KLHDC4: variants seen among roughly 807,000 people sequenced by gnomAD.
KLHDC4 encodes kelch domain containing 4.
KLHDC4 carries 90 observed loss-of-function variants against 62.4 expected under a neutral mutation model. The observed-to-expected ratio is 1.44, with a 90% CI of 1.22 to 1.72. The LOEUF is 1.72. Ranked by LOEUF, KLHDC4 falls within the 40% of genes most tolerant of loss-of-function variation. KLHDC4 has a pLI of 0.00. For synonymous variants in KLHDC4, 386 were observed against 284.4 expected (o/e 1.36, Z -3.59); for missense variants, 1,025 against 699.7 (o/e 1.47, Z -5.25).
chr16:87,750,826 C>A (rs1277567770), intron 4 of KLHDC4: 2 of 152,292 alleles, frequency 1.3e-5, no homozygotes, highest in Non-Finnish European at 2.9e-5. Flanking sequence ...TCCACCCCAC[C>A]CACTTCCAGT....
At chr16:87,764,646 CAAAAAAAAAAAAA>C (rs564692904) in intron 1 of KLHDC4, among the ~76,000 whole-genome samples, 21 of 33,820 alleles carry the variant, frequency 6.2e-4, no homozygotes, top group African/African-American at 1.3e-3. Context: ...GAAACTCCTT[CAAAAAAAAAAAAA>C]AAAAAAAAAA....
chr16:87,728,876 G>A (rs970254184), intron 6 of KLHDC4, among the ~76,000 whole-genome samples: 3 of 152,274 alleles, frequency 2.0e-5, no homozygotes, highest in Middle Eastern at 3.4e-3. Context: ...CCCAGTTCAA[G>A]CGATTCTCTT....
Position 87,755,317 on chromosome 16 carries a change from G to C in KLHDC4, c.271-25C>G, listed in dbSNP as rs753851566. On this transcript the variant is annotated intron_variant, in intron 3 of 11. Coordinates refer to ENST00000270583, the MANE Select transcript of KLHDC4 (RefSeq NM_017566.4). ...TCTACAGGAAGGAAGAAGAATGTCA[G>C]TGTCACAAATGATACGCTTCCAAGG... 50 of 1,272,910 alleles carry C rather than the reference G, an allele frequency of 3.9e-5. No individual in the cohort carries two copies. The Admixed American group carries it at 8.0e-4, about 20-fold the overall frequency. 78.9% of individuals were successfully genotyped at this position (1,272,910 alleles called of 1,614,324 possible).
intron 9 of KLHDC4, chr16:87,710,668 CCAGCCCA>C: frequency 6.5e-6 from 1 of 153,044 alleles, no homozygotes; most frequent in Non-Finnish European, 1.5e-5. Flanking sequence ...TTTCCAATTT[CCAGCCCA>C]GGTGCCACCA....
chr16:87,759,480 C>A (rs1033657629), intron 2 of KLHDC4, among the ~76,000 whole-genome samples: 1 of 151,634 alleles, frequency 6.6e-6, no homozygotes, highest in Non-Finnish European at 1.5e-5. Context: ...GGTACAGTGG[C>A]TCACGCCTGT....
At chr16:87,722,167 G>C (rs1265343880) in intron 7 of KLHDC4, among the ~76,000 whole-genome samples, 2 of 152,200 alleles carry the variant, frequency 1.3e-5, no homozygotes, top group African/African-American at 4.8e-5. Flanking sequence ...TCTTTCGTTA[G>C]GATACAAGTC....
At position 87,748,751 on chromosome 16, in the gene KLHDC4, G is replaced by C; in HGVS notation, c.428C>G (p.Ser143Cys). ...GTGGTAGAACTGCTCTCCGTTGGGAGAGGCAAACTCCCCTCCAAAGACCCA... is the reference window on the plus strand; with the variant it reads ...GTGGTAGAACTGCTCTCCGTTGGGACAGGCAAACTCCCCTCCAAAGACCCA... Reference protein sequence around the residue: ...QLWVFGGEFASPNGEQFYHYK... With the variant: ...QLWVFGGEFACPNGEQFYHYK... The change falls in exon 5 of 12, where the codon TCT (serine) becomes TGT (cysteine). Residue 143 changes from serine to cysteine, a missense_variant. Coordinates refer to ENST00000270583, the MANE Select transcript of KLHDC4 (RefSeq NM_017566.4). The C allele has an allele frequency of 1.2e-6, 2 of 1,613,410 alleles. No homozygotes were observed. Among genetic ancestry groups the C allele is most frequent in the East Asian group, 2.2e-5 (1 of 44,836 alleles).
intron 8 of KLHDC4, among the ~76,000 whole-genome samples, chr16:87,713,569 C>T (rs1054915470): frequency 2.0e-5 from 3 of 152,144 alleles, no homozygotes; most frequent in South Asian, 2.1e-4. Flanking sequence ...CCCATCCCCC[C>T]GCCCATGCTC....
At position 87,709,364 on chromosome 16, in the gene KLHDC4, T is replaced by A. The variant is rs1178001336; in HGVS notation, c.1348A>T (p.Met450Leu). 1.9e-6 allele frequency: 3 copies of A among 1,613,316 alleles called. No homozygotes were observed. The highest frequency in any genetic ancestry group is 2.5e-6 in the Non-Finnish European group (3 of 1,179,938). ...KHGVLYVYGG[M>L]FEAGDRQVTL... The stretch of plus-strand genomic sequence containing the variant: ...ACCTGGCGGTCGCCGGCCTCAAACA[T>A]GCCCCCATAGACGTAGAGCACCCCA... Residue 450 changes from methionine to leucine, a missense_variant, in exon 10 of 12, where the codon ATG becomes TTG. Met to Leu is a conservative substitution (Grantham distance 15). Transcript: ENST00000270583.
In KLHDC4 at chr16:87,743,702, T is replaced by C. The variant is rs770560575; in HGVS notation, c.506+4971A>G. On this transcript the variant is annotated intron_variant, in intron 5 of 11. Coordinates refer to ENST00000270583, the MANE Select transcript of KLHDC4 (RefSeq NM_017566.4). The stretch of plus-strand genomic sequence containing the variant: ...TTGCAGTGAGCCGAGATCAAACCAC[T>C]GCACTCCAGCCTGGGAGACAGAGCG... Among the ~76,000 whole-genome samples the C allele has an allele frequency of 4.6e-5, 7 of 151,694 alleles. 1 individual carries two copies. Among genetic ancestry groups the C allele is most frequent in the Non-Finnish European group, 1.0e-4 (7 of 67,926 alleles).
intron 5 of KLHDC4, chr16:87,739,832 G>A (rs959986440): frequency 3.9e-5 from 6 of 152,302 alleles, no homozygotes; most frequent in Admixed American, 3.9e-4. Context: ...AGGGACCGGG[G>A]ACGGTGGGGT....
chr16:87,713,239 G>T (rs568771944), intron 8 of KLHDC4, among the ~76,000 whole-genome samples: 8 of 151,824 alleles, frequency 5.3e-5, no homozygotes, highest in South Asian at 4.2e-4. Flanking sequence ...TCGCTCTGTC[G>T]CCCAGGCTGG....
intron 2 of KLHDC4, among the ~76,000 whole-genome samples, chr16:87,758,721 C>G (rs575032687): frequency 6.6e-6 from 1 of 152,200 alleles, no homozygotes; most frequent in Non-Finnish European, 1.5e-5. Flanking sequence ...TTTACAAATA[C>G]GTGTCACGCT....
chr16:87,753,878 C>T (rs2044426899), intron 4 of KLHDC4, among the ~76,000 whole-genome samples: 1 of 148,842 alleles, frequency 6.7e-6, no homozygotes, highest in Non-Finnish European at 1.5e-5. Context: ...CGGGCTGAAG[C>T]AGGAGAATCG....
intron 2 of KLHDC4, among the ~76,000 whole-genome samples, chr16:87,758,714 A>C (rs556674708): frequency 6.6e-6 from 1 of 152,230 alleles, no homozygotes; most frequent in Non-Finnish European, 1.5e-5. Context: ...AAGAAAGTTT[A>C]CAAATACGTG....
chr16:87,699,362 C>T (rs923642324), exon 1 of KLHDC4: 2 of 152,248 alleles, frequency 1.3e-5, no homozygotes, highest in African/African-American at 4.8e-5. Context: ...CATGCAATGC[C>T]TGAGCCGAGC....
chr16:87,763,263 CAT>C (rs1395757530), intron 1 of KLHDC4, among the ~76,000 whole-genome samples: 1 of 152,218 alleles, frequency 6.6e-6, no homozygotes, highest in African/African-American at 2.4e-5. Flanking sequence ...TTTTATTACA[CAT>C]GTGTATCCCT....
chr16:87,753,101 G>A (rs1239496524), intron 4 of KLHDC4, among the ~76,000 whole-genome samples: 1 of 152,216 alleles, frequency 6.6e-6, no homozygotes, highest in African/African-American at 2.4e-5. Flanking sequence ...GACAAGGACT[G>A]GAGTTCAGGG....
At position 87,765,842 on chromosome 16, in the gene KLHDC4, T is replaced by C; in HGVS notation, c.49A>G (p.Thr17Ala). The change falls in exon 1 of 12, where the codon ACG (threonine) becomes GCG (alanine). Residue 17 changes from threonine to alanine, a missense_variant. Thr to Ala is a moderately conservative substitution (Grantham distance 58). Coordinates refer to ENST00000270583, the MANE Select transcript of KLHDC4 (RefSeq NM_017566.4). ...KEKKGRGAEK[T>A]AAKMEKKVSK... ...ACCTTCTTCTCCATCTTGGCGGCCG[T>C]CTTCTCCGCGCCGCGGCCCTTCTTC... The C allele has an allele frequency of 1.3e-6, 2 of 1,556,912 alleles. No individual in the cohort carries two copies. The highest frequency in any genetic ancestry group is 1.7e-6 in the Non-Finnish European group (2 of 1,149,724).
Sources: gnomAD v4.1 joint callset for allele counts (sites outside exome capture counted in the v4.1 genomes callset) on GRCh38, gnomAD v4.1.1 for gene constraint, MANE v1.5 for transcripts, NCBI Gene and HGNC (gene_info 2026-07-23, HGNC 2026-07-21) for gene names.